Variants in DCC observed in about 807,000 individuals in gnomAD.
DCC encodes DCC netrin 1 receptor.
In DCC, 58 loss-of-function variants were observed where a neutral mutation model predicts 172.5. The ratio of observed to expected loss-of-function variants is 0.34; its 90% CI spans 0.27 to 0.42. The LOEUF is 0.42. DCC is among the 10% of genes least tolerant of loss of function. DCC has a pLI of 1.00. For missense variants in DCC, 1,740 were observed against 1,791.0 expected, an observed-to-expected ratio of 0.97 and a Z score of 0.51; for synonymous variants, 709 against 644.5, an observed-to-expected ratio of 1.10 and a Z score of -1.52.
At chr18:52,808,874 T>C (rs2038140825) in intron 2 of DCC, among the ~76,000 whole-genome samples, 1 of 152,170 alleles carries the variant, frequency 6.6e-6, no homozygotes, top group South Asian at 2.1e-4. Context: ...ACCTATGAGA[T>C]TTTAGAGCTT....
intron 1 of DCC, among the ~76,000 whole-genome samples, chr18:52,393,750 A>G (rs1300802442): frequency 1.3e-5 from 2 of 152,102 alleles, no homozygotes; most frequent in African/African-American, 4.8e-5. Context: ...GTGATTGTTA[A>G]AACTAAGTGC....
intron 1 of DCC, among the ~76,000 whole-genome samples, chr18:52,352,399 G>T (rs1314268500): frequency 1.3e-5 from 2 of 152,142 alleles, no homozygotes; most frequent in Admixed American, 1.3e-4. Context: ...TCATGGTTTA[G>T]TGGACCCTGG....
intron 1 of DCC, among the ~76,000 whole-genome samples, chr18:52,368,852 G>A (rs186576617): frequency 9.9e-5 from 15 of 152,226 alleles, no homozygotes; most frequent in Admixed American, 7.8e-4. Flanking sequence ...TGCTAGTCCT[G>A]CTTATGTCCA....
chr18:52,643,508 C>A (rs1227507381), intron 1 of DCC, among the ~76,000 whole-genome samples: 1 of 152,130 alleles, frequency 6.6e-6, no homozygotes, highest in African/African-American at 2.4e-5. Flanking sequence ...TTTTCCTTTC[C>A]TCCTGAAACT....
intron 1 of DCC, among the ~76,000 whole-genome samples, chr18:52,547,709 AAG>A (rs2032656104): frequency 6.6e-6 from 1 of 152,138 alleles, no homozygotes; most frequent in South Asian, 2.1e-4. Context: ...CAAAAATGAA[AAG>A]AGGGGGCATG....
chr18:53,115,567 G>T (rs1204996884), intron 7 of DCC, among the ~76,000 whole-genome samples: 1 of 151,562 alleles, frequency 6.6e-6, no homozygotes, highest in African/African-American at 2.4e-5. Flanking sequence ...CCCAGTGCTA[G>T]AATTCGGCCA....
chr18:52,744,738 A>T (rs997367522), intron 1 of DCC, among the ~76,000 whole-genome samples: 27 of 152,106 alleles, frequency 1.8e-4, no homozygotes, highest in Non-Finnish European at 4.0e-4. Context: ...CACAAAGCAC[A>T]CCCTCAGGCT....
chr18:52,624,033 A>G (rs1221184688), intron 1 of DCC, among the ~76,000 whole-genome samples: 2 of 152,122 alleles, frequency 1.3e-5, no homozygotes, highest in South Asian at 2.1e-4. Flanking sequence ...CATCTCCCCA[A>G]CCCATGCAAT....
intron 1 of DCC, among the ~76,000 whole-genome samples, chr18:52,603,920 G>A (rs1432165903): frequency 4.0e-5 from 6 of 151,532 alleles, no homozygotes; most frequent in Non-Finnish European, 1.5e-5. Flanking sequence ...TTATCACTTT[G>A]TTTTCTTCTG....
At chr18:52,523,459 A>G (rs1310173004) in intron 1 of DCC, among the ~76,000 whole-genome samples, 1 of 152,198 alleles carries the variant, frequency 6.6e-6, no homozygotes, top group Admixed American at 6.5e-5. Context: ...TTTATGTAGA[A>G]GTGTGTTTTC....
intron 5 of DCC, among the ~76,000 whole-genome samples, chr18:52,926,526 C>T (rs1239334705): frequency 1.3e-5 from 2 of 151,614 alleles, no homozygotes; most frequent in Non-Finnish European, 3.0e-5. Flanking sequence ...AGAGAACTTT[C>T]ACATTTGTAG....
chr18:53,247,699 C>T (rs1290829904), intron 12 of DCC, among the ~76,000 whole-genome samples: 1 of 151,886 alleles, frequency 6.6e-6, no homozygotes, highest in Non-Finnish European at 1.5e-5. Context: ...TGAAGTTAAC[C>T]ATTTGCCAAA....
chr18:52,876,799 TG>T (rs2039409584), intron 2 of DCC, among the ~76,000 whole-genome samples: 1 of 151,880 alleles, frequency 6.6e-6, no homozygotes, highest in Non-Finnish European at 1.5e-5. Context: ...TAGAGATTTT[TG>T]CCTTCCATAT....
At chr18:53,140,448 G>A (rs1022636231) in intron 7 of DCC, among the ~76,000 whole-genome samples, 3 of 152,144 alleles carry the variant, frequency 2.0e-5, no homozygotes, top group Non-Finnish European at 2.9e-5. Context: ...GGAGTTGGGA[G>A]AATATTGCAG....
chr18:52,437,133 T>A (rs932485683), intron 1 of DCC, among the ~76,000 whole-genome samples: 1 of 152,184 alleles, frequency 6.6e-6, no homozygotes, highest in Admixed American at 6.5e-5. Flanking sequence ...GGCATTACTT[T>A]TTAAAATATA....
chr18:52,493,324 G>A lies in DCC; in HGVS notation c.91+152446G>A, dbSNP rs1209403394. On this transcript the variant is annotated intron_variant, in intron 1 of 28. Transcript: ENST00000442544. The stretch of plus-strand genomic sequence containing the variant: ...CCAGAGTCAAAGAAGTCTGCAGGAC[G>A]GTTGTTTTGTAAACTCATCTTTTTT... Among the ~76,000 whole-genome samples, 4 of 152,066 alleles carry A rather than the reference G, an allele frequency of 2.6e-5. No homozygotes were observed. The South Asian group carries it at 6.2e-4, about 24-fold the overall frequency.
chr18:52,849,193 T>G (rs1310268332), intron 2 of DCC, among the ~76,000 whole-genome samples: 1 of 152,130 alleles, frequency 6.6e-6, no homozygotes, highest in Non-Finnish European at 1.5e-5. Flanking sequence ...TTTTTCTAAT[T>G]CCCAGAATTA....
intron 9 of DCC, among the ~76,000 whole-genome samples, chr18:53,194,633 C>A (rs2144520918): frequency 6.6e-6 from 1 of 152,236 alleles, no homozygotes. Context: ...CTGCACCCAG[C>A]TAATTTTTGT....
chr18:53,148,402 G>A (rs10153414), intron 7 of DCC, among the ~76,000 whole-genome samples: 6,070 of 152,202 alleles, frequency 0.04, 382 homozygotes, highest in African/African-American at 0.13. Context: ...GAAATGGCAC[G>A]TTTGGGGTCT....
Sources: allele counts gnomAD v4.1 joint callset (sites outside exome capture counted in the v4.1 genomes callset), GRCh38; gene constraint gnomAD v4.1.1; transcripts MANE v1.5; gene names NCBI Gene and HGNC (gene_info 2026-07-23, HGNC 2026-07-21).